The following CEP170 variants were observed in gnomAD, a reference collection of about 807,000 sequenced individuals.
The protein encoded by CEP170 is centrosomal protein 170, also known as centrosomal protein of 170 kDa.
A neutral mutation model predicts 151.9 loss-of-function variants in CEP170; 21 were observed. That is an observed-to-expected ratio of 0.14 (90% confidence interval 0.10 to 0.20). The LOEUF is 0.20. CEP170 is among the 10% of genes least tolerant of loss of function. The pLI is 1.00. For synonymous variants in CEP170, 356 were observed against 648.8 expected, an observed-to-expected ratio of 0.55 and a Z score of 6.86; for missense variants, 964 against 1,892.9, an observed-to-expected ratio of 0.51 and a Z score of 9.11.
intron 4 of CEP170, among the ~76,000 whole-genome samples, chr1:243,203,476 TTTTAA>T (rs1449635226): frequency 6.6e-6 from 1 of 152,212 alleles, no homozygotes; most frequent in African/African-American, 2.4e-5. Context: ...CACTCTTTTA[TTTTAA>T]TGACAAAATA....
intron 13 of CEP170, among the ~76,000 whole-genome samples, chr1:243,164,050 T>C (rs1260349120): frequency 1.3e-5 from 2 of 152,150 alleles, no homozygotes; most frequent in Admixed American, 6.5e-5. Context: ...TTGAAATCAC[T>C]ATTTTGCGCC....
At chr1:243,243,493 T>C (rs2065057880) in intron 1 of CEP170, among the ~76,000 whole-genome samples, 1 of 144,230 alleles carries the variant, frequency 6.9e-6, no homozygotes, top group Non-Finnish European at 1.5e-5. Flanking sequence ...CAACTTACCA[T>C]TCTGATTTAT....
intron 14 of CEP170, among the ~76,000 whole-genome samples, chr1:243,150,732 C>A (rs2056987153): frequency 6.6e-6 from 1 of 152,196 alleles, no homozygotes; most frequent in Non-Finnish European, 1.5e-5. Flanking sequence ...TAACTATAAT[C>A]ATAAACCACG....
intron 3 of CEP170, among the ~76,000 whole-genome samples, chr1:243,213,966 C>T (rs909031555): frequency 6.6e-6 from 1 of 152,190 alleles, no homozygotes; most frequent in African/African-American, 2.4e-5. Flanking sequence ...CTGCATTGGC[C>T]TCCCAAAGTG....
intron 1 of CEP170, among the ~76,000 whole-genome samples, chr1:243,242,178 A>T (rs995116238): frequency 2.0e-5 from 3 of 152,146 alleles, no homozygotes; most frequent in Non-Finnish European, 4.4e-5. Flanking sequence ...GAATCGACCC[A>T]ATATCCACTA....
intron 14 of CEP170, among the ~76,000 whole-genome samples, chr1:243,146,623 A>T (rs1467139282): frequency 6.6e-6 from 1 of 152,092 alleles, no homozygotes; most frequent in Non-Finnish European, 1.5e-5. Context: ...CTGCACCTCA[A>T]ATAGAACAAG....
chr1:243,128,473 C>T (rs1284949344), intron 18 of CEP170, 173 bp from the exon 19 acceptor site: 3 of 517,696 alleles, frequency 5.8e-6, no homozygotes, highest in Admixed American at 4.3e-5. Context: ...AAACAAGATT[C>T]AAATTAAAAT....
At chr1:243,129,046 C>T (rs1431361023) in intron 18 of CEP170, among the ~76,000 whole-genome samples, 4 of 151,990 alleles carry the variant, frequency 2.6e-5, no homozygotes, top group Admixed American at 6.6e-5. Flanking sequence ...TAAACGGAAA[C>T]GACTTATGTC....
At chr1:243,196,764 C>A (rs2148809032) in intron 7 of CEP170, among the ~76,000 whole-genome samples, 2 of 152,206 alleles carry the variant, frequency 1.3e-5, no homozygotes, top group Admixed American at 1.3e-4. Context: ...TTGAATAAGA[C>A]ATGTATAGTT....
intron 1 of CEP170, among the ~76,000 whole-genome samples, chr1:243,233,741 A>AATATAT (rs1303987181): frequency 1.4e-5 from 2 of 140,436 alleles, no homozygotes; most frequent in African/African-American, 5.3e-5. Context: ...TCAAAAAAAA[A>AATATAT]ATATATATAT....
intron 13 of CEP170, 53 bp from the exon 14 acceptor site, chr1:243,156,508 G>A: frequency 1.4e-6 from 2 of 1,469,416 alleles, no homozygotes; most frequent in South Asian, 1.4e-5. Flanking sequence ...ATTTAAAGGA[G>A]GTAAAATAAA....
intron 3 of CEP170, among the ~76,000 whole-genome samples, chr1:243,217,445 T>C (rs944925414): frequency 1.3e-5 from 2 of 152,208 alleles, no homozygotes; most frequent in Admixed American, 6.5e-5. Flanking sequence ...AGTTTAAGAT[T>C]GCATAACTCT....
chr1:243,166,373 T>C lies in CEP170; in HGVS notation c.1844-257A>G, dbSNP rs543458744. Among the ~76,000 whole-genome samples the C allele has an allele frequency of 7.2e-5, 11 of 152,318 alleles. No homozygotes were observed. In the South Asian group the frequency reaches 1.7e-3, roughly 23 times the overall value. ...AATACCTAATACAATGTAAAAGCTA[T>C]GTAAATAGTTGTTATACTGTATTGC... On this transcript the variant is annotated intron_variant, in intron 12 of 19. Coordinates refer to ENST00000366542, the MANE Select transcript of CEP170 (RefSeq NM_014812.3).
chr1:243,160,354 A>G (rs1329748590), intron 13 of CEP170, among the ~76,000 whole-genome samples: 8 of 152,150 alleles, frequency 5.3e-5, no homozygotes. Flanking sequence ...TATTAAAATG[A>G]AAGTTCCAAG....
chr1:243,220,390 T>G (rs139493931), intron 3 of CEP170, among the ~76,000 whole-genome samples: 1 of 151,920 alleles, frequency 6.6e-6, no homozygotes, highest in Non-Finnish European at 1.5e-5. Flanking sequence ...GAACATACAC[T>G]TAATTCTACA....
intron 11 of CEP170, among the ~76,000 whole-genome samples, chr1:243,172,067 A>G (rs1395930786): frequency 6.6e-6 from 1 of 152,318 alleles, no homozygotes; most frequent in Admixed American, 6.5e-5. Context: ...TACAGGAAAC[A>G]TATACTTCTA....
At chr1:243,226,049 A>C (rs570258374) in intron 1 of CEP170, among the ~76,000 whole-genome samples, 548 of 9,822 alleles carry the variant, frequency 0.056, 4 homozygotes, top group Non-Finnish European at 0.36. Context: ...CTCTAGATAT[A>C]TATATCTAGA....
At chr1:243,167,065 T>C (rs1026070968) in intron 12 of CEP170, among the ~76,000 whole-genome samples, 3 of 152,176 alleles carry the variant, frequency 2.0e-5, no homozygotes, top group Admixed American at 6.5e-5. Flanking sequence ...TAACTTTCCA[T>C]CCTTGAGGTT....
chr1:243,207,444 T>A (rs1018431153), intron 4 of CEP170, among the ~76,000 whole-genome samples: 6 of 152,188 alleles, frequency 3.9e-5, no homozygotes, highest in African/African-American at 1.4e-4. Flanking sequence ...AGCCTGAGAT[T>A]TCAATACCCC....
Sources: gnomAD v4.1 joint callset for allele counts (sites outside exome capture counted in the v4.1 genomes callset) on GRCh38, gnomAD v4.1.1 for gene constraint, MANE v1.5 for transcripts, NCBI Gene and HGNC (gene_info 2026-07-23, HGNC 2026-07-21) for gene names.